STK33: variants seen among roughly 807,000 people sequenced by gnomAD.
The protein encoded by STK33 is serine/threonine kinase 33.
A neutral mutation model predicts 58.0 loss-of-function variants in STK33; 52 were observed. The observed-to-expected ratio is 0.90, with a 90% CI of 0.72 to 1.13. The LOEUF is 1.13. STK33 is among the 50% of genes most tolerant of loss of function. The pLI, the probability that STK33 is intolerant of heterozygous loss-of-function variation, is 0.00. For synonymous variants in STK33, 215 were observed against 200.1 expected (o/e 1.07, Z -0.63); for missense variants, 630 against 604.2 (o/e 1.04, Z -0.45).
Position 8,538,854 on chromosome 11 carries a change from C to T in STK33, c.-466+55229G>A, listed in dbSNP as rs186716524. On this transcript the variant is annotated intron_variant, in intron 1 of 15. Coordinates refer to ENST00000687296, the MANE Select transcript of STK33 (RefSeq NM_001352389.2). ...AGAATATGGAGCTATGATCTTCTAA[C>T]AGGAGGACTTCCTAAAAGTCAAGGG... is the stretch of plus-strand genomic sequence containing the variant. Among the ~76,000 whole-genome samples the T allele has an allele frequency of 2.6e-5, 4 of 152,312 alleles. No individual in the cohort carries two copies. The East Asian group carries it at 5.8e-4, about 22-fold the overall frequency.
At chr11:8,457,535 A>C in intron 8 of STK33, 56 bp from the exon 9 acceptor site, 1 of 1,397,108 alleles carries the variant, frequency 7.2e-7, no homozygotes, top group Non-Finnish European at 9.8e-7. Context: ...GGGGATCTTT[A>C]AAATGTTATA....
chr11:8,482,070 C>A (rs1038234314), intron 1 of STK33, among the ~76,000 whole-genome samples: 5 of 152,156 alleles, frequency 3.3e-5, no homozygotes, highest in African/African-American at 1.2e-4. Flanking sequence ...TCCCCAGCCA[C>A]GTAATTTCAA....
intron 1 of STK33, among the ~76,000 whole-genome samples, chr11:8,522,936 C>T (rs1169926885): frequency 1.3e-5 from 2 of 152,154 alleles, no homozygotes; most frequent in Non-Finnish European, 2.9e-5. Flanking sequence ...GGATTGCAGG[C>T]GCGCGCCACC....
chr11:8,516,425 C>T (rs566150936), intron 1 of STK33, among the ~76,000 whole-genome samples: 2 of 152,218 alleles, frequency 1.3e-5, no homozygotes, highest in African/African-American at 2.4e-5. Flanking sequence ...CAGCTCCCAG[C>T]GTGAGCGACA....
chr11:8,418,971 T>C (rs1287020494), intron 14 of STK33, among the ~76,000 whole-genome samples: 4 of 152,290 alleles, frequency 2.6e-5, no homozygotes, highest in African/African-American at 9.6e-5. Context: ...TTTAATTTCC[T>C]TTTAGACACT....
At chr11:8,493,909 A>G (rs1043067136) in intron 1 of STK33, among the ~76,000 whole-genome samples, 1 of 152,324 alleles carries the variant, frequency 6.6e-6, no homozygotes, top group South Asian at 2.1e-4. Context: ...CCTTCATGCT[A>G]AAGACTCTCA....
intron 15 of STK33, among the ~76,000 whole-genome samples, chr11:8,400,342 C>A (rs1455475468): frequency 2.6e-5 from 4 of 152,194 alleles, no homozygotes; most frequent in Admixed American, 2.0e-4. Flanking sequence ...CGTAATCCAG[C>A]ATATAAACAG....
chr11:8,500,241 T>A (rs1365992727), intron 1 of STK33, among the ~76,000 whole-genome samples: 1 of 151,928 alleles, frequency 6.6e-6, no homozygotes, highest in East Asian at 1.9e-4. Flanking sequence ...GCATCCAGAT[T>A]ATGATGGCAG....
chr11:8,458,901 C>T (rs973151275), intron 8 of STK33, among the ~76,000 whole-genome samples: 11 of 152,126 alleles, frequency 7.2e-5, no homozygotes, highest in South Asian at 2.1e-4. Context: ...AAACAGGAAG[C>T]GAAGGTTAAC....
chr11:8,464,589 C>T, intron 7 of STK33, 120 bp downstream of exon 7: 1 of 538,730 alleles, frequency 1.9e-6, no homozygotes, highest in Non-Finnish European at 3.2e-6. Context: ...TCTGGGGGAT[C>T]AGCCCAGGCC....
chr11:8,542,132 T>A (rs187719649), intron 1 of STK33, among the ~76,000 whole-genome samples: 123 of 152,306 alleles, frequency 8.1e-4, no homozygotes, highest in Non-Finnish European at 1.4e-3. Flanking sequence ...TTTCAAAAGA[T>A]CAAGAAATAG....
the STK33 span, among the ~76,000 whole-genome samples, chr11:8,342,604 G>A: frequency 9.9e-5 from 15 of 152,282 alleles, no homozygotes; most frequent in Admixed American, 7.2e-4. Context: ...CACTTGCTAC[G>A]TATCAACCAC....
chr11:8,518,280 C>T (rs1206379927), intron 1 of STK33, among the ~76,000 whole-genome samples: 1 of 152,124 alleles, frequency 6.6e-6, no homozygotes, highest in Non-Finnish European at 1.5e-5. Context: ...CCTTCAGAGA[C>T]AAGCAAATGC....
chr11:8,541,702 G>C (rs989538671), intron 1 of STK33, among the ~76,000 whole-genome samples: 2 of 152,024 alleles, frequency 1.3e-5, no homozygotes, highest in Non-Finnish European at 2.9e-5. Context: ...CACAACTTCT[G>C]TCTGTGGTAC....
chr11:8,547,569 A>G (rs1400326391), intron 1 of STK33, among the ~76,000 whole-genome samples: 1 of 152,030 alleles, frequency 6.6e-6, no homozygotes, highest in Non-Finnish European at 1.5e-5. Flanking sequence ...TTAAAATCAG[A>G]TTGTTCATTA....
rs551611580 is a variant in STK33 at position 8,541,674 on chromosome 11, C to T, written c.-466+52409G>A. On this transcript the variant is annotated intron_variant, in intron 1 of 15. Coordinates refer to ENST00000687296, the MANE Select transcript of STK33 (RefSeq NM_001352389.2). Reference sequence around the variant, plus strand: ...CCTAAATTCGTTGCTATTTTACTTTCCATTTGTTCAAATGTTTCACAACTT... The same window carrying T: ...CCTAAATTCGTTGCTATTTTACTTTTCATTTGTTCAAATGTTTCACAACTT... Among the ~76,000 whole-genome samples the T allele has an allele frequency of 3.6e-3, 545 of 152,236 alleles. 3 individuals are homozygous for T. The highest frequency in any genetic ancestry group is 4.7e-3 in the Non-Finnish European group (318 of 67,982).
At chr11:8,557,841 C>T (rs1028506570) in intron 1 of STK33, among the ~76,000 whole-genome samples, 21 of 151,986 alleles carry the variant, frequency 1.4e-4, no homozygotes, top group Admixed American at 1.2e-3. Context: ...GCTGTTTATA[C>T]CTATGTACTT....
At chr11:8,387,011 C>T (rs1482691953), downstream of STK33, among the ~76,000 whole-genome samples, 1 of 152,238 alleles carries the variant, frequency 6.6e-6, no homozygotes, top group Non-Finnish European at 1.5e-5. Context: ...CGGTTAAAAA[C>T]ATATTCAAAG....
At chr11:8,473,352 G>C in intron 5 of STK33, 76 bp from the exon 6 acceptor site, 1 of 838,336 alleles carries the variant, frequency 1.2e-6, no homozygotes. Context: ...TCCTAATTTA[G>C]ATAATCTGAT....
Sources: gnomAD v4.1 joint callset for allele counts (sites outside exome capture counted in the v4.1 genomes callset) on GRCh38, gnomAD v4.1.1 for gene constraint, MANE v1.5 for transcripts, NCBI Gene and HGNC (gene_info 2026-07-23, HGNC 2026-07-21) for gene names.